The following NUBPL variants were observed in gnomAD, a reference collection of about 807,000 sequenced individuals.
NUBPL encodes the protein NUBP iron-sulfur cluster assembly factor, mitochondrial, also known as iron-sulfur cluster transfer protein NUBPL.
NUBPL carries 31 observed loss-of-function variants against 45.7 expected under a neutral mutation model. The ratio of observed to expected loss-of-function variants is 0.68; its 90% CI spans 0.51 to 0.92. NUBPL has a LOEUF of 0.92. Ranked by LOEUF, NUBPL falls within the 40% of genes least tolerant of loss-of-function variation. The pLI is 0.00. For missense variants in NUBPL, 401 were observed against 398.7 expected (o/e 1.01, Z -0.05); for synonymous variants, 144 against 140.9 (o/e 1.02, Z -0.15).
At position 31,604,653 on chromosome 14, in the gene NUBPL, T is replaced by C. The variant is rs374365033; in HGVS notation, c.382+5274T>C. ...ACAATTTGTTCATTTTAAAATGATA[T>C]GTTAGGGTTGGCAGATCATACGTTT... On this transcript the variant is annotated intron_variant, in intron 4 of 10. Coordinates refer to ENST00000281081, the MANE Select transcript of NUBPL (RefSeq NM_025152.3). Among the ~76,000 whole-genome samples, 30 of 152,300 alleles carry C rather than the reference T, an allele frequency of 2.0e-4. No homozygotes were observed. In the South Asian group the frequency reaches 6.2e-3, roughly 32 times the overall value.
chr14:31,783,356 G>C (rs1339901959), intron 6 of NUBPL, among the ~76,000 whole-genome samples: 1 of 151,980 alleles, frequency 6.6e-6, no homozygotes, highest in Non-Finnish European at 1.5e-5. Flanking sequence ...GTGGTCATTT[G>C]CTTGGTTTAT....
intron 6 of NUBPL, among the ~76,000 whole-genome samples, chr14:31,777,591 T>C (rs765072525): frequency 6.6e-6 from 1 of 152,208 alleles, no homozygotes; most frequent in Non-Finnish European, 1.5e-5. Flanking sequence ...TTAAGACTTG[T>C]AGGGTGAAAC....
chr14:31,669,452 T>C (rs1391546307), intron 4 of NUBPL, among the ~76,000 whole-genome samples: 1 of 144,854 alleles, frequency 6.9e-6, no homozygotes, highest in Non-Finnish European at 1.5e-5. Context: ...TTCCTTCCTT[T>C]TCTTTGCTTT....
chr14:31,814,623 C>T (rs915045695), intron 7 of NUBPL, among the ~76,000 whole-genome samples: 5 of 152,096 alleles, frequency 3.3e-5, no homozygotes, highest in Non-Finnish European at 4.4e-5. Context: ...TGCCTATATC[C>T]TGAATGGTAT....
rs773765553 is a variant in NUBPL at position 31,585,169 on chromosome 14, C to T, written c.292-14120C>T. Among the ~76,000 whole-genome samples the T allele has an allele frequency of 2.6e-4, 39 of 151,984 alleles. 1 individual carries two copies. The highest frequency in any genetic ancestry group is 4.9e-4 in the Non-Finnish European group (33 of 68,008). ...TGTCCAATCTTTTGGCTTTCCTGGG[C>T]CACATTGGAAGAAGAATTGTCTTGG... On this transcript the variant is annotated intron_variant, in intron 3 of 10. Transcript: ENST00000281081.
In NUBPL at chr14:31,750,887, T is replaced by C. The variant is rs2038511953; in HGVS notation, c.514-36893T>C. ...TTATGAAGAAAAAAGGTTTAATCGA[T>C]TTACAGTTCCACATGTCTTGGGAGG... On this transcript the variant is annotated intron_variant, in intron 6 of 10. Transcript: ENST00000281081. Among the ~76,000 whole-genome samples, 6 of 152,262 alleles carry C rather than the reference T, an allele frequency of 3.9e-5. No individual in the cohort carries two copies. In the South Asian group the frequency reaches 1.2e-3, roughly 32 times the overall value.
At chr14:31,633,694 A>G (rs1038274293) in intron 4 of NUBPL, among the ~76,000 whole-genome samples, 1 of 152,168 alleles carries the variant, frequency 6.6e-6, no homozygotes, top group Non-Finnish European at 1.5e-5. Flanking sequence ...AGCTCTATTT[A>G]TTAACTGGTT....
At position 31,578,004 on chromosome 14, in the gene NUBPL, G is replaced by A. The variant is rs751892371; in HGVS notation, c.291+12956G>A. 3.1e-4 allele frequency: 397 copies of A among 1,287,244 alleles called. 2 individuals carry two copies. The highest frequency in any genetic ancestry group is 1.5e-3 in the Middle Eastern group (7 of 4,688). 79.7% of individuals were successfully genotyped at this position (1,287,244 alleles called of 1,614,324 possible). On this transcript the variant is annotated intron_variant, in intron 3 of 10. Coordinates refer to ENST00000281081, the MANE Select transcript of NUBPL (RefSeq NM_025152.3). ...ATCATCTGCCACTATTGCCTGGCCC[G>A]TTGTTATGAACTCAGTAAATGGTAA...
chr14:31,769,355 C>A (rs945878204), intron 6 of NUBPL, among the ~76,000 whole-genome samples: 2 of 152,142 alleles, frequency 1.3e-5, no homozygotes, highest in Non-Finnish European at 2.9e-5. Flanking sequence ...ATGATTGAAT[C>A]CCCTCCTAGC....
chr14:31,590,784 C>T (rs542836389), intron 3 of NUBPL, among the ~76,000 whole-genome samples: 1 of 152,280 alleles, frequency 6.6e-6, no homozygotes, highest in Admixed American at 6.5e-5. Context: ...GCATCTTCTG[C>T]ATTTTTATAA....
intron 10 of NUBPL, among the ~76,000 whole-genome samples, chr14:31,850,477 T>C (rs182444323): frequency 5.9e-5 from 9 of 152,196 alleles, no homozygotes; most frequent in Non-Finnish European, 1.0e-4. Context: ...AAAATTCTTA[T>C]ATTGCTGGCT....
intron 4 of NUBPL, among the ~76,000 whole-genome samples, chr14:31,670,762 A>C (rs984342191): frequency 6.6e-6 from 1 of 152,016 alleles, no homozygotes; most frequent in Non-Finnish European, 1.5e-5. Flanking sequence ...TGTCAGCTTT[A>C]TTGAAGATCA....
chr14:31,567,769 C>T (rs2033475742), intron 3 of NUBPL, among the ~76,000 whole-genome samples: 1 of 152,126 alleles, frequency 6.6e-6, no homozygotes, highest in Admixed American at 6.6e-5. Flanking sequence ...GGCTGTTGAC[C>T]AGCAGAATCA....
intron 4 of NUBPL, among the ~76,000 whole-genome samples, chr14:31,634,537 T>C (rs1480657982): frequency 2.0e-5 from 3 of 152,050 alleles, no homozygotes; most frequent in African/African-American, 2.4e-5. Context: ...TGAATAGTGC[T>C]GCTATAAACA....
chr14:31,855,430 T>C (rs11849272), intron 10 of NUBPL, among the ~76,000 whole-genome samples: 3,278 of 152,284 alleles, frequency 0.022, 113 homozygotes, highest in African/African-American at 0.075. Flanking sequence ...AGCTGGACTT[T>C]AGAGTCAGTT....
At chr14:31,598,614 C>T (rs2034344868) in intron 3 of NUBPL, among the ~76,000 whole-genome samples, 1 of 152,208 alleles carries the variant, frequency 6.6e-6, no homozygotes, top group African/African-American at 2.4e-5. Context: ...AGAGCCCAGA[C>T]AGGGTATCCT....
intron 6 of NUBPL, among the ~76,000 whole-genome samples, chr14:31,765,404 A>G (rs1407103894): frequency 6.6e-6 from 1 of 152,198 alleles, no homozygotes; most frequent in Non-Finnish European, 1.5e-5. Flanking sequence ...CTAAGTGTAA[A>G]CATGGTACAC....
At chr14:31,798,094 C>T (rs536333212) in intron 7 of NUBPL, among the ~76,000 whole-genome samples, 9 of 149,142 alleles carry the variant, frequency 6.0e-5, no homozygotes, top group African/African-American at 1.3e-4. Context: ...GGGTTTCTGC[C>T]GAGAGATCCG....
intron 6 of NUBPL, among the ~76,000 whole-genome samples, chr14:31,687,726 A>G (rs530877889): frequency 3.9e-5 from 6 of 152,362 alleles, no homozygotes; most frequent in South Asian, 2.1e-4. Context: ...TGTGTTTAAC[A>G]TAATACCGTG....
Sources: gnomAD v4.1 joint callset for allele counts (sites outside exome capture counted in the v4.1 genomes callset) on GRCh38, gnomAD v4.1.1 for gene constraint, MANE v1.5 for transcripts, NCBI Gene and HGNC (gene_info 2026-07-23, HGNC 2026-07-21) for gene names.